Variants in EPB41L5 observed in about 807,000 individuals in gnomAD.
EPB41L5 encodes band 4.1-like protein 5.
A neutral mutation model predicts 106.6 loss-of-function variants in EPB41L5; 55 were observed. That is an observed-to-expected ratio of 0.52 (90% CI 0.42 to 0.65). EPB41L5 has a LOEUF of 0.65. Ranked by LOEUF, EPB41L5 falls within the 30% of genes least tolerant of loss-of-function variation. The probability of loss-of-function intolerance (pLI) is 0.00; values close to 1 mark genes in which losing one functional copy is unlikely to be tolerated. For missense variants in EPB41L5, 871 were observed against 882.1 expected, an observed-to-expected ratio of 0.99 and a Z score of 0.16; for synonymous variants, 297 against 306.7, an observed-to-expected ratio of 0.97 and a Z score of 0.33.
chr2:120,172,988 G>A (rs996443355), intron 24 of EPB41L5, among the ~76,000 whole-genome samples: 2 of 152,150 alleles, frequency 1.3e-5, no homozygotes, highest in African/African-American at 4.8e-5. Context: ...AAGTACTCGG[G>A]AGGCTGAGGC....
chr2:120,085,177 C>T (rs185981534), intron 10 of EPB41L5, among the ~76,000 whole-genome samples: 1 of 152,304 alleles, frequency 6.6e-6, no homozygotes, highest in South Asian at 2.1e-4. Flanking sequence ...GAGCTATGTT[C>T]CTTTGGAGGG....
intron 20 of EPB41L5, among the ~76,000 whole-genome samples, chr2:120,157,612 A>G (rs1360292798): frequency 1.3e-5 from 2 of 151,988 alleles, no homozygotes; most frequent in East Asian, 3.9e-4. Flanking sequence ...TCTACTAAAA[A>G]TATAAAATTA....
chr2:120,093,326 G>T, intron 14 of EPB41L5, 50 bp downstream of exon 14: 3 of 1,466,616 alleles, frequency 2.0e-6, no homozygotes, highest in Admixed American at 1.7e-5. Flanking sequence ...TGGGATTTAT[G>T]TAGTTGCTAT....
intron 1 of EPB41L5, among the ~76,000 whole-genome samples, chr2:120,015,935 T>G (rs900219169): frequency 1.4e-5 from 2 of 143,042 alleles, no homozygotes; most frequent in South Asian, 4.4e-4. Context: ...AACATAAAAA[T>G]AAAACAACTG....
At chr2:120,089,049 C>A (rs1374776562) in intron 11 of EPB41L5, among the ~76,000 whole-genome samples, 1 of 152,052 alleles carries the variant, frequency 6.6e-6, no homozygotes, top group Non-Finnish European at 1.5e-5. Flanking sequence ...TTTTAGATGA[C>A]ATATAATAAT....
intron 3 of EPB41L5, among the ~76,000 whole-genome samples, chr2:120,047,699 T>A (rs1191043569): frequency 6.6e-6 from 1 of 152,190 alleles, no homozygotes; most frequent in East Asian, 1.9e-4. Context: ...CAACACTATG[T>A]TGAATAGGAG....
chr2:120,165,834 G>A (rs986781068), intron 22 of EPB41L5, among the ~76,000 whole-genome samples: 1 of 152,002 alleles, frequency 6.6e-6, no homozygotes, highest in African/African-American at 2.4e-5. Context: ...CGGGGGTGGT[G>A]GTGCACACCT....
At chr2:120,017,261 G>A (rs1006038361) in intron 1 of EPB41L5, among the ~76,000 whole-genome samples, 11 of 152,134 alleles carry the variant, frequency 7.2e-5, no homozygotes, top group Non-Finnish European at 1.2e-4. Flanking sequence ...TTGCTGTTAC[G>A]CATCATGAGG....
intron 24 of EPB41L5, among the ~76,000 whole-genome samples, chr2:120,168,308 A>G (rs1687508822): frequency 6.6e-6 from 1 of 152,148 alleles, no homozygotes; most frequent in Non-Finnish European, 1.5e-5. Context: ...TTTACTATTT[A>G]TTATGATTAT....
intron 16 of EPB41L5, among the ~76,000 whole-genome samples, chr2:120,116,589 A>G (rs1215629081): frequency 6.6e-6 from 1 of 152,168 alleles, no homozygotes; most frequent in Non-Finnish European, 1.5e-5. Flanking sequence ...TGGTTTGATC[A>G]TGGCTCACTG....
At chr2:120,115,112 A>AT (rs1421529662) in intron 16 of EPB41L5, among the ~76,000 whole-genome samples, 1 of 152,024 alleles carries the variant, frequency 6.6e-6, no homozygotes, top group Non-Finnish European at 1.5e-5. Context: ...TGGATGGTAC[A>AT]TTTTTTCCTT....
In EPB41L5 at chr2:120,069,128, C is replaced by CAA. The variant is rs539813602; in HGVS notation, c.286-4012_286-4011dup. Among the ~76,000 whole-genome samples the CAA allele has an allele frequency of 9.3e-4, 74 of 79,538 alleles. 3 individuals carry two copies. The highest frequency in any genetic ancestry group is 1.5e-3 in the South Asian group (3 of 2,038). The allele number at this position is 79,538 out of a possible 152,430, so 52.2% of individuals were successfully genotyped here. On this transcript the variant is annotated intron_variant, in intron 3 of 24. Coordinates refer to ENST00000263713, the MANE Select transcript of EPB41L5 (RefSeq NM_020909.4). Reference sequence around the variant, plus strand: ...GGGCAACAAGAGTGAAACTCTGTCTCAAAAAAAAAAAAAAAAAAAAAAAAA... The same window carrying CAA: ...GGGCAACAAGAGTGAAACTCTGTCTCAAAAAAAAAAAAAAAAAAAAAAAAAAA...
Position 120,122,072 on chromosome 2 carries a change from T to C in EPB41L5, c.1338-5616T>C, listed in dbSNP as rs1685240924. Among the ~76,000 whole-genome samples, 7 of 152,370 alleles carry C rather than the reference T, an allele frequency of 4.6e-5. No individual in the cohort carries two copies. In the South Asian group the frequency reaches 1.4e-3, roughly 32 times the overall value. Reference sequence around the variant, plus strand: ...TTAAGTTCTTTGTAGATTCTGGATATTAGCCCTTTGTCAGATGGGTAGATT... The same window carrying C: ...TTAAGTTCTTTGTAGATTCTGGATACTAGCCCTTTGTCAGATGGGTAGATT... On this transcript the variant is annotated intron_variant, in intron 16 of 24. Coordinates refer to ENST00000263713, the MANE Select transcript of EPB41L5 (RefSeq NM_020909.4).
chr2:120,172,490 C>A (rs1687720824), intron 24 of EPB41L5, among the ~76,000 whole-genome samples: 1 of 152,214 alleles, frequency 6.6e-6, no homozygotes, highest in African/African-American at 2.4e-5. Flanking sequence ...TTTCTGAATT[C>A]TGGAGGGCAA....
At chr2:120,108,488 A>G (rs1684578457) in intron 16 of EPB41L5, 1 of 152,212 alleles carries the variant, frequency 6.6e-6, no homozygotes, top group Admixed American at 6.5e-5. Flanking sequence ...ATGACTAATC[A>G]TTGATAATAA....
Position 120,021,622 on chromosome 2 carries a change from C to T in EPB41L5, c.180+2358C>T, listed in dbSNP as rs750997554. 5.5e-4 allele frequency among the ~76,000 whole-genome samples: 83 copies of T among 152,146 alleles called. 1 individual carries two copies. The highest frequency in any genetic ancestry group is 9.3e-4 in the Non-Finnish European group (63 of 68,014). Reference sequence around the variant, plus strand: ...CACCACTGCACTCCAGCCCGGGTGACAGTGCGAGACTCCATCTCAAAAAAA... The same window carrying T: ...CACCACTGCACTCCAGCCCGGGTGATAGTGCGAGACTCCATCTCAAAAAAA... On this transcript the variant is annotated intron_variant, in intron 2 of 24. Coordinates refer to ENST00000263713, the MANE Select transcript of EPB41L5 (RefSeq NM_020909.4).
intron 11 of EPB41L5, 65 bp from the exon 12 acceptor site, chr2:120,090,282 C>T: frequency 1.5e-6 from 2 of 1,341,172 alleles, no homozygotes; most frequent in Non-Finnish European, 2.0e-6. Flanking sequence ...GTTTGTATCT[C>T]AGAAATAGGA....
chr2:120,152,674 G>T (rs1300966275), intron 20 of EPB41L5, among the ~76,000 whole-genome samples: 1 of 152,204 alleles, frequency 6.6e-6, no homozygotes, highest in Non-Finnish European at 1.5e-5. Context: ...GATTGAGAAG[G>T]ATTATTGTTA....
chr2:120,120,411 G>A (rs1394622913), intron 16 of EPB41L5, among the ~76,000 whole-genome samples: 88 of 121,004 alleles, frequency 7.3e-4, no homozygotes, highest in African/African-American at 2.6e-3. Context: ...CAGCCTGGGT[G>A]ACAGAGCGAC....
Sources: gnomAD v4.1 joint callset for allele counts (sites outside exome capture counted in the v4.1 genomes callset) on GRCh38, gnomAD v4.1.1 for gene constraint, MANE v1.5 for transcripts, NCBI Gene and HGNC (gene_info 2026-07-23, HGNC 2026-07-21) for gene names.